Variants in FXR1 observed in about 807,000 individuals in gnomAD.
FXR1 encodes RNA-binding protein FXR1.
In FXR1, 15 loss-of-function variants were observed where a neutral mutation model predicts 84.0. That is an observed-to-expected ratio of 0.18 (90% CI 0.12 to 0.27). FXR1 has a LOEUF of 0.27. Ranked by LOEUF, FXR1 falls within the 10% of genes least tolerant of loss-of-function variation. The pLI is 1.00. For missense variants in FXR1, 480 were observed against 774.4 expected (o/e 0.62, Z 4.51); for synonymous variants, 245 against 250.7 (o/e 0.98, Z 0.21).
chr3:180,928,341 G>C (rs1719473930), intron 1 of FXR1, among the ~76,000 whole-genome samples: 1 of 151,686 alleles, frequency 6.6e-6, no homozygotes, highest in Non-Finnish European at 1.5e-5. Context: ...GGTAAGTATA[G>C]AGTGTTATTG....
rs565482101 is a variant in FXR1 at position 180,914,794 on chromosome 3, C to T, written c.51+2058C>T. 1.5e-5 allele frequency: 15 copies of T among 982,930 alleles called. No individual in the cohort carries two copies. In the East Asian group the frequency reaches 9.1e-4, roughly 60 times the overall value. The allele number at this position is 982,930 out of a possible 1,614,324, so 60.9% of individuals were successfully genotyped here. ...TTTTGCCTCACAAAGTGAGTTGGTACTTTGACAAAGGTTGGAAAGGACACT... is the reference window on the plus strand; with the variant it reads ...TTTTGCCTCACAAAGTGAGTTGGTATTTTGACAAAGGTTGGAAAGGACACT... On this transcript the variant is annotated intron_variant, in intron 1 of 16. Coordinates refer to ENST00000357559, the MANE Select transcript of FXR1 (RefSeq NM_005087.4).
chr3:180,943,955 T>A (rs1721412693), intron 3 of FXR1, among the ~76,000 whole-genome samples: 2 of 152,044 alleles, frequency 1.3e-5, no homozygotes, highest in South Asian at 4.1e-4. Flanking sequence ...TCGCTCTTGT[T>A]GCCTAGGCTG....
chr3:180,925,786 A>G (rs1425437775), intron 1 of FXR1, among the ~76,000 whole-genome samples: 1 of 152,222 alleles, frequency 6.6e-6, no homozygotes, highest in Non-Finnish European at 1.5e-5. Flanking sequence ...ATAAAAAGTG[A>G]TAATAAAATC....
intron 3 of FXR1, among the ~76,000 whole-genome samples, chr3:180,945,082 T>C (rs2108460731): frequency 6.6e-6 from 1 of 152,362 alleles, no homozygotes; most frequent in East Asian, 1.9e-4. Context: ...ATCTTATAAA[T>C]ATTGATAGCA....
rs1258544429 is a variant in FXR1, at chr3:180,978,294, A to G, written c.*2002A>G. 9.5e-6 allele frequency: 1 copy of G among 105,178 alleles called. No individual in the cohort carries two copies. Among genetic ancestry groups the G allele is most frequent in the Admixed American group, 9.7e-5 (1 of 10,258 alleles). The allele number at this position is 105,178 out of a possible 1,614,324, so 6.5% of individuals were successfully genotyped here. A position where few individuals can be genotyped will look rare whatever the true frequency, so the allele number is the denominator to read the frequency against. ...GGGAATGGAAGAAACAAAATCTTAA[A>G]AGAGTGAGTATAGCTGAACCAATTC... On this transcript the variant is annotated 3_prime_UTR_variant, in exon 17 of 17. Coordinates refer to ENST00000357559, the MANE Select transcript of FXR1 (RefSeq NM_005087.4).
chr3:180,914,954 GAA>G, intron 1 of FXR1: 1 of 984,180 alleles, frequency 1.0e-6, no homozygotes, highest in Non-Finnish European at 1.2e-6. Context: ...TGGCGGAGTG[GAA>G]AAGAGTCCTG....
chr3:180,928,322 T>C (rs1214556476), intron 1 of FXR1, among the ~76,000 whole-genome samples: 1 of 152,008 alleles, frequency 6.6e-6, no homozygotes, highest in Non-Finnish European at 1.5e-5. Flanking sequence ...AAAATAATCT[T>C]TAAGGTTTGG....
Position 180,970,420 on chromosome 3 carries a change from A to ATAT in FXR1, c.1603+64_1603+65insTTA, listed in dbSNP as rs1301364447. 9.5e-4 allele frequency: 242 copies of ATAT among 253,570 alleles called. 1 individual carries two copies. The highest frequency in any genetic ancestry group is 1.5e-3 in the Non-Finnish European group (204 of 138,950). 15.7% of individuals were successfully genotyped at this position (253,570 alleles called of 1,614,324 possible). On this transcript the variant is annotated intron_variant, in intron 15 of 16. Transcript: ENST00000357559. The stretch of plus-strand genomic sequence containing the variant: ...TATATATATATATATATATATATAT[A>ATAT]TAATTGTAAACTATTGTTAGTATAT...
At chr3:180,931,956 G>A (rs1333576528) in intron 1 of FXR1, among the ~76,000 whole-genome samples, 1 of 148,532 alleles carries the variant, frequency 6.7e-6, no homozygotes, top group Non-Finnish European at 1.5e-5. Context: ...GCCTAGGATG[G>A]TCTCGAACTC....
intron 10 of FXR1, among the ~76,000 whole-genome samples, 166 bp downstream of exon 10, chr3:180,958,094 A>C (rs1711562067): frequency 6.6e-6 from 1 of 152,164 alleles, no homozygotes; most frequent in African/African-American, 2.4e-5. Flanking sequence ...GTCATTTTCT[A>C]CTATGTGGGC....
At chr3:180,955,849 A>T (rs1387858501) in intron 9 of FXR1, among the ~76,000 whole-genome samples, 1 of 152,186 alleles carries the variant, frequency 6.6e-6, no homozygotes, top group Non-Finnish European at 1.5e-5. Context: ...TTATTCACTG[A>T]AGTGAGTACC....
In FXR1 at chr3:180,935,197, TA is replaced by T. The variant is rs1559986435; in HGVS notation, c.171del (p.Glu58LysfsTer8). 2.2e-5 allele frequency: 35 copies of T among 1,565,298 alleles called. No homozygotes were observed. The highest frequency in any genetic ancestry group is 3.3e-5 in the South Asian group (3 of 89,736). ...GTTAGATTACCACCACCACCTGATA[TA>T]AAAAAAGAAATTAGTGAAGGAGATG... is the stretch of plus-strand genomic sequence containing the variant. ...NEVRLPPPPD[I>X]KKEISEGDEV... On this transcript the variant is annotated frameshift_variant, in exon 3 of 17. Transcript: ENST00000357559. LOFTEE classifies it high-confidence loss of function.
chr3:180,949,198 T>G, intron 6 of FXR1, 29 bp from the exon 7 acceptor site: 1 of 1,105,804 alleles, frequency 9.0e-7, no homozygotes, highest in Non-Finnish European at 1.4e-6. Context: ...ATGATTAAAG[T>G]TTTGAGTAAT....
chr3:180,959,934 C>T (rs1370473900), intron 10 of FXR1, among the ~76,000 whole-genome samples: 1 of 151,920 alleles, frequency 6.6e-6, no homozygotes, highest in East Asian at 1.9e-4. Flanking sequence ...TGTCTTAAAC[C>T]ACGCTTAGTT....
chr3:180,973,310 G>C (rs1577009638), intron 15 of FXR1, among the ~76,000 whole-genome samples: 2 of 150,222 alleles, frequency 1.3e-5, no homozygotes, highest in Admixed American at 6.6e-5. Flanking sequence ...TTCTGTCTCT[G>C]TACACAGTGG....
chr3:180,945,159 T>C (rs1335058907), intron 3 of FXR1, among the ~76,000 whole-genome samples: 1 of 152,250 alleles, frequency 6.6e-6, no homozygotes, highest in Non-Finnish European at 1.5e-5. Flanking sequence ...ATCATCAGAA[T>C]GCAGTCCTTG....
chr3:180,926,897 A>G (rs1719294586), intron 1 of FXR1, among the ~76,000 whole-genome samples: 1 of 152,100 alleles, frequency 6.6e-6, no homozygotes, highest in Non-Finnish European at 1.5e-5. Context: ...TTTCTAGACT[A>G]GGATGGTATA....
intron 3 of FXR1, among the ~76,000 whole-genome samples, chr3:180,943,265 CTT>C (rs71182562): frequency 7.5e-3 from 207 of 27,636 alleles, no homozygotes; most frequent in Middle Eastern, 0.062. Flanking sequence ...CTGTGCCCGG[CTT>C]TTTTTTTTTT....
Position 180,961,954 on chromosome 3 carries a change from T to C in FXR1, c.1077+400T>C, listed in dbSNP as rs180960378. On this transcript the variant is annotated intron_variant, in intron 11 of 16. Coordinates refer to ENST00000357559, the MANE Select transcript of FXR1 (RefSeq NM_005087.4). The stretch of plus-strand genomic sequence containing the variant: ...TAGGGTACAGAACCAGGAGTGACAT[T>C]GGGCTTCCTTGGTAACTTTGGCATT... Among the ~76,000 whole-genome samples, 146 of 152,326 alleles carry C rather than the reference T, an allele frequency of 9.6e-4. 1 individual carries two copies. Among genetic ancestry groups the C allele is most frequent in the African/African-American group, 3.2e-3 (131 of 41,568 alleles).
Sources: gnomAD v4.1 joint callset for allele counts (sites outside exome capture counted in the v4.1 genomes callset) on GRCh38, gnomAD v4.1.1 for gene constraint, MANE v1.5 for transcripts, NCBI Gene and HGNC (gene_info 2026-07-23, HGNC 2026-07-21) for gene names.